Variants in SASH1 observed in about 807,000 individuals in gnomAD.
SASH1 encodes SAM and SH3 domain-containing protein 1.
Under a neutral mutation model 125.2 loss-of-function variants are expected in SASH1, and 44 were observed. The observed-to-expected ratio is 0.35, with a 90% CI of 0.28 to 0.45. The LOEUF (loss-of-function observed/expected upper bound fraction) is 0.45, where lower values mean the gene tolerates loss of function less well. Ranked by LOEUF, SASH1 falls within the 20% of genes least tolerant of loss-of-function variation. SASH1 has a pLI of 1.00. For synonymous variants in SASH1, 639 were observed against 649.1 expected, an observed-to-expected ratio of 0.98 and a Z score of 0.24; for missense variants, 1,426 against 1,614.5, an observed-to-expected ratio of 0.88 and a Z score of 2.00.
intron 1 of SASH1, among the ~76,000 whole-genome samples, chr6:148,361,961 T>C (rs560675443): frequency 6.9e-6 from 1 of 145,824 alleles, no homozygotes; most frequent in African/African-American, 2.5e-5. Flanking sequence ...TCGCCCAGGC[T>C]GGAGTGCAGT....
chr6:148,291,129 C>CA (rs1162907403), intron 1 of SASH1, among the ~76,000 whole-genome samples: 1 of 151,728 alleles, frequency 6.6e-6, no homozygotes, highest in African/African-American at 2.4e-5. Flanking sequence ...CCAATTAGGA[C>CA]ATGGCAAAAA....
At chr6:148,486,201 A>T (rs769189804) in intron 7 of SASH1, among the ~76,000 whole-genome samples, 3 of 152,026 alleles carry the variant, frequency 2.0e-5, no homozygotes, top group Non-Finnish European at 2.9e-5. Flanking sequence ...GCTCACCGCA[A>T]CCTCTGCCTC....
intron 17 of SASH1, 33 bp downstream of exon 17, chr6:148,540,589 T>TTGACAAGCAC: frequency 2.0e-6 from 3 of 1,497,876 alleles, no homozygotes. Flanking sequence ...GGAACCTGCT[T>TTGACAAGCAC]TGACAAGTAC....
At chr6:148,219,109 C>T in the SASH1 span, among the ~76,000 whole-genome samples, 2 of 152,154 alleles carry the variant, frequency 1.3e-5, no homozygotes, top group East Asian at 1.9e-4. Context: ...ACGCAGCATC[C>T]TCACTTCTCA....
intron 1 of SASH1, among the ~76,000 whole-genome samples, chr6:148,322,888 T>C (rs1013337193): frequency 2.2e-5 from 2 of 89,884 alleles, no homozygotes; most frequent in East Asian, 8.9e-4. Flanking sequence ...TCTTTCTTTT[T>C]CTTCTTTCTT....
the SASH1 span, among the ~76,000 whole-genome samples, chr6:148,223,136 G>A: frequency 7.0e-6 from 1 of 143,296 alleles, no homozygotes; most frequent in African/African-American, 2.7e-5. Flanking sequence ...GAGAGGCAGC[G>A]GAGCATGGTG....
intron 9 of SASH1, among the ~76,000 whole-genome samples, chr6:148,514,727 G>A (rs1780345235): frequency 6.6e-6 from 1 of 152,216 alleles, no homozygotes; most frequent in African/African-American, 2.4e-5. Context: ...TTCTCGAGGT[G>A]TAGTATAGCT....
At chr6:148,498,760 T>A (rs1779427752) in intron 8 of SASH1, among the ~76,000 whole-genome samples, 1 of 152,228 alleles carries the variant, frequency 6.6e-6, no homozygotes, top group South Asian at 2.1e-4. Context: ...AGTTTTTTAT[T>A]GTGCTCTTGG....
At position 148,540,562 on chromosome 6, in the gene SASH1, GT is replaced by G. The variant is rs572723628; in HGVS notation, c.2209+7del. The G allele has an allele frequency of 3.7e-5, 60 of 1,603,358 alleles. No individual in the cohort carries two copies. In the African/African-American group the frequency reaches 7.2e-4, roughly 19 times the overall value. ...CAGTGAGAACCTGGAAAACGGTAAT[GT>G]CAGCATGAGTCGCTGGGAACCTGCT... On this transcript the variant is annotated splice_region_variant and intron_variant, in intron 17 of 19. Coordinates refer to ENST00000367467, the MANE Select transcript of SASH1 (RefSeq NM_015278.5).
At chr6:148,293,458 G>A (rs920375197) in intron 1 of SASH1, among the ~76,000 whole-genome samples, 3 of 152,198 alleles carry the variant, frequency 2.0e-5, no homozygotes, top group Admixed American at 6.5e-5. Flanking sequence ...CATCCCACAG[G>A]TTTCGGAGAT....
chr6:148,497,120 G>A (rs976424723), intron 8 of SASH1, among the ~76,000 whole-genome samples: 1 of 152,114 alleles, frequency 6.6e-6, no homozygotes, highest in East Asian at 1.9e-4. Flanking sequence ...CTTACTAAAA[G>A]AGTAAAAGTA....
At chr6:148,324,917 G>A (rs1279889923) in intron 1 of SASH1, among the ~76,000 whole-genome samples, 1 of 152,178 alleles carries the variant, frequency 6.6e-6, no homozygotes, top group East Asian at 1.9e-4. Flanking sequence ...CTCCAAATCA[G>A]GAAGCCAGTG....
chr6:148,482,283 TGAGA>T (rs532867925), intron 7 of SASH1, among the ~76,000 whole-genome samples: 228 of 152,320 alleles, frequency 1.5e-3, no homozygotes, highest in African/African-American at 5.1e-3. Context: ...TATATGAAAT[TGAGA>T]GAGATCTATG....
At chr6:148,215,455 A>G in the SASH1 span, among the ~76,000 whole-genome samples, 45 of 152,274 alleles carry the variant, frequency 3.0e-4, no homozygotes, top group Middle Eastern at 3.4e-3. Context: ...CATGCTAAAT[A>G]AGTCTTCCAC....
the SASH1 span, among the ~76,000 whole-genome samples, chr6:148,264,379 C>T: frequency 6.6e-6 from 1 of 152,174 alleles, no homozygotes; most frequent in Non-Finnish European, 1.5e-5. Flanking sequence ...CTTTTTCTAA[C>T]AAGTATTGCT....
At chr6:148,356,514 T>TTTTTTTTTTTA (rs1781947002) in intron 1 of SASH1, among the ~76,000 whole-genome samples, 1 of 138,610 alleles carries the variant, frequency 7.2e-6, no homozygotes, top group Non-Finnish European at 1.5e-5. Context: ...TTTTTTTTTT[T>TTTTTTTTTTTA]GAGACTGGGT....
chr6:148,495,036 T>C lies in SASH1; in HGVS notation c.729+7321T>C, dbSNP rs1779258799. Among the ~76,000 whole-genome samples, 1 of 152,210 alleles carries C rather than the reference T, an allele frequency of 6.6e-6. No homozygotes were observed. Among genetic ancestry groups the C allele is most frequent in the Admixed American group, 6.5e-5 (1 of 15,288 alleles). ...CTTTCACCAGCCTCAATAACAGACA[T>C]TGTCTTCAAGCCAGAGGATTTAGTT... On this transcript the variant is annotated intron_variant, in intron 8 of 19. Coordinates refer to ENST00000367467, the MANE Select transcript of SASH1 (RefSeq NM_015278.5). The surrounding 1 kb of genome is among the most constrained non-coding windows in gnomAD (Gnocchi z 4.0).
the SASH1 span, among the ~76,000 whole-genome samples, chr6:148,225,641 A>G: frequency 1.8e-3 from 281 of 152,296 alleles, 1 homozygote; most frequent in African/African-American, 6.3e-3. Flanking sequence ...CTCAGGTGAC[A>G]GGTGCTCCAG....
intron 1 of SASH1, among the ~76,000 whole-genome samples, chr6:148,382,588 C>A (rs1346410372): frequency 6.6e-6 from 1 of 152,116 alleles, no homozygotes; most frequent in Non-Finnish European, 1.5e-5. Flanking sequence ...CCGTGCCTGG[C>A]CCCCCAATTT....
Sources: allele counts gnomAD v4.1 joint callset (sites outside exome capture counted in the v4.1 genomes callset), GRCh38; gene constraint gnomAD v4.1.1; non-coding constraint Gnocchi (gnomAD v3.1); transcripts MANE v1.5; gene names NCBI Gene and HGNC (gene_info 2026-07-23, HGNC 2026-07-21).